IGHMBP2: variants seen among roughly 807,000 people sequenced by gnomAD.
IGHMBP2 encodes the protein DNA-binding protein SMUBP-2.
In IGHMBP2, 81 loss-of-function variants were observed where a neutral mutation model predicts 96.0. That is an observed-to-expected ratio of 0.84 (90% confidence interval 0.71 to 1.01). The LOEUF (loss-of-function observed/expected upper bound fraction) is 1.01. Ranked by LOEUF, IGHMBP2 falls within the 50% of genes least tolerant of loss-of-function variation. IGHMBP2 has a pLI of 0.00. For synonymous variants in IGHMBP2, 557 were observed against 548.9 expected (o/e 1.01, Z -0.21); for missense variants, 1,227 against 1,306.3 (o/e 0.94, Z 0.94).
At chr11:68,921,849 A>C (rs542789892) in intron 7 of IGHMBP2, among the ~76,000 whole-genome samples, 10 of 152,170 alleles carry the variant, frequency 6.6e-5, no homozygotes, top group Non-Finnish European at 1.5e-4. Context: ...ATGTCTGAAA[A>C]TATCTTGTTT....
chr11:68,914,449 C>G (rs1858568302), intron 5 of IGHMBP2, among the ~76,000 whole-genome samples: 1 of 152,192 alleles, frequency 6.6e-6, no homozygotes, highest in African/African-American at 2.4e-5. Flanking sequence ...CTCAGACCTG[C>G]AGGGGAGCAT....
In IGHMBP2 at chr11:68,936,707, C is replaced by T. The variant is rs1423631535; in HGVS notation, c.2227C>T (p.Gln743Ter). Residue 743 changes from glutamine (Q) to a stop codon, truncating the protein, a stop_gained, in exon 13 of 15, where the codon CAG becomes TAG. Coordinates refer to ENST00000255078, the MANE Select transcript of IGHMBP2 (RefSeq NM_002180.3). LOFTEE classifies it high-confidence loss of function. ...IVEFMASKKM[Q>*]LEFPPSLNSH... The stretch of plus-strand genomic sequence containing the variant: ...GGAGTTCATGGCCAGCAAGAAGATG[C>T]AGTTGGAGTTTCCTCCTTCCCTCAA... The T allele has an allele frequency of 1.2e-6, 2 of 1,613,962 alleles. No homozygotes were observed. The highest frequency in any genetic ancestry group is 1.7e-6 in the Non-Finnish European group (2 of 1,180,042).
intron 1 of IGHMBP2, 33 bp from the exon 2 acceptor site, chr11:68,906,036 A>AATCCTGAAGC: frequency 1.2e-6 from 2 of 1,610,050 alleles, no homozygotes; most frequent in Non-Finnish European, 1.7e-6. Context: ...AACTAGTAAA[A>AATCCTGAAGC]ATCCTGAAGC....
intron 8 of IGHMBP2, among the ~76,000 whole-genome samples, chr11:68,932,008 G>C (rs1390618076): frequency 1.3e-5 from 2 of 149,868 alleles, no homozygotes; most frequent in Non-Finnish European, 3.0e-5. Flanking sequence ...TCCCTGGAGA[G>C]AGTAGGATGG....
chr11:68,905,853 T>G (rs1229070158), intron 1 of IGHMBP2, among the ~76,000 whole-genome samples: 3 of 152,130 alleles, frequency 2.0e-5, no homozygotes, highest in African/African-American at 7.2e-5. Context: ...GAAAGATCTG[T>G]CTCAGGTAAC....
At chr11:68,929,521 C>A (rs927102264) in intron 8 of IGHMBP2, among the ~76,000 whole-genome samples, 164 bp downstream of exon 8, 10 of 152,234 alleles carry the variant, frequency 6.6e-5, no homozygotes, top group African/African-American at 2.2e-4. Flanking sequence ...CTCAACGTCG[C>A]ATCTGTGAGA....
Position 68,939,545 on chromosome 11 carries a change from C to T in IGHMBP2, c.2796C>T (p.Cys932=), listed in dbSNP as rs112870015. ...LSHHLPEIHG[C]GERARAHARQ... Reference sequence around the variant, plus strand: ...TGTGTCCTCCCCAGATCCATGGCTGCGGTGAGAGGGCTCGCGCCCATGCCC... The same window carrying T: ...TGTGTCCTCCCCAGATCCATGGCTGTGGTGAGAGGGCTCGCGCCCATGCCC... Residue 932 remains cysteine, a synonymous_variant, in exon 15 of 15, where the codon TGC becomes TGT. Coordinates refer to ENST00000255078, the MANE Select transcript of IGHMBP2 (RefSeq NM_002180.3). 2.0e-5 allele frequency: 32 copies of T among 1,612,010 alleles called. No individual in the cohort carries two copies. Among genetic ancestry groups the T allele is most frequent in the African/African-American group, 1.2e-4 (9 of 75,006 alleles).
chr11:68,929,228 T>A lies in IGHMBP2; in HGVS notation c.1106T>A (p.Phe369Tyr), dbSNP rs756791529. The change falls in exon 8 of 15, where the codon TTC (phenylalanine) becomes TAC (tyrosine). Residue 369 changes from phenylalanine (F) to tyrosine (Y), a missense_variant. Physicochemically the swap from Phe to Tyr is conservative, Grantham distance 22. This residue lies in a region of IGHMBP2 where 507 missense variants were observed against 496.9 expected (regional missense o/e 1.02). Transcript: ENST00000255078. ...GPLKLLPESY[F>Y]DVVVIDECAQ... ...CTGAAGTTGCTGCCCGAGAGCTACTTCGACGTGGTGGTCATTGACGAGTGT... is the reference window on the plus strand; with the variant it reads ...CTGAAGTTGCTGCCCGAGAGCTACTACGACGTGGTGGTCATTGACGAGTGT... 9.3e-6 allele frequency: 15 copies of A among 1,613,718 alleles called. No homozygotes were observed. In the Admixed American group the frequency reaches 2.5e-4, roughly 27 times the overall value.
intron 8 of IGHMBP2, among the ~76,000 whole-genome samples, chr11:68,931,376 C>T (rs1859291505): frequency 6.6e-6 from 1 of 152,172 alleles, no homozygotes; most frequent in Non-Finnish European, 1.5e-5. Flanking sequence ...TTCCCGGCTC[C>T]TGCCTGCTTC....
intron 5 of IGHMBP2, 93 bp from the exon 6 acceptor site, chr11:68,914,730 T>C: frequency 7.4e-7 from 1 of 1,353,336 alleles, no homozygotes; most frequent in Admixed American, 1.7e-5. Flanking sequence ...GCCTTGTGCT[T>C]CTTTCTACCT....
At chr11:68,934,282 C>T in intron 10 of IGHMBP2, 182 bp from the exon 11 acceptor site, 1 of 673,852 alleles carries the variant, frequency 1.5e-6, no homozygotes, top group Non-Finnish European at 2.7e-6. Context: ...ATGTGAAATT[C>T]AAGTTAGCTG....
At chr11:68,915,087 C>A in intron 6 of IGHMBP2, 64 bp downstream of exon 6, 2 of 1,287,116 alleles carry the variant, frequency 1.6e-6, no homozygotes, top group Non-Finnish European at 2.2e-6. Context: ...TTTTAAGGAG[C>A]AAATTTATCT....
chr11:68,939,476 T>A, intron 14 of IGHMBP2, 58 bp from the exon 15 acceptor site: 1 of 1,576,232 alleles, frequency 6.3e-7, no homozygotes, highest in Non-Finnish European at 8.7e-7. Context: ...TAGGCAGAGC[T>A]GCAGGATCTG....
Position 68,929,209 on chromosome 11 carries a change from T to C in IGHMBP2, c.1087T>C (p.Leu363=). ...TGASADGPLK[L]LPESYFDVVV... is the part of the protein sequence containing the mutation. Reference sequence around the variant, plus strand: ...TGCGTCTGCCGATGGCCCCCTGAAGTTGCTGCCCGAGAGCTACTTCGACGT... The same window carrying C: ...TGCGTCTGCCGATGGCCCCCTGAAGCTGCTGCCCGAGAGCTACTTCGACGT... Residue 363 remains leucine (L), a synonymous_variant, in exon 8 of 15, where the codon TTG becomes CTG. Coordinates refer to ENST00000255078, the MANE Select transcript of IGHMBP2 (RefSeq NM_002180.3). The C allele has an allele frequency of 6.2e-7, 1 of 1,613,458 alleles. No homozygotes were observed. Among genetic ancestry groups the C allele is most frequent in the African/African-American group, 1.3e-5 (1 of 75,042 alleles).
intron 5 of IGHMBP2, among the ~76,000 whole-genome samples, chr11:68,912,696 T>G (rs1042399421): frequency 6.6e-6 from 1 of 152,084 alleles, no homozygotes; most frequent in Non-Finnish European, 1.5e-5. Flanking sequence ...AGCACCCATT[T>G]AATCCTCACT....
At position 68,933,867 on chromosome 11, in the gene IGHMBP2, G is replaced by A. The variant is rs757513987; in HGVS notation, c.1491G>A (p.Gly497=). 6 of 1,605,026 alleles carry A rather than the reference G, an allele frequency of 3.7e-6. No individual in the cohort carries two copies. The change falls in exon 10 of 15, where the codon GGG becomes GGA. Residue 497 remains glycine, a synonymous_variant. Coordinates refer to ENST00000255078, the MANE Select transcript of IGHMBP2 (RefSeq NM_002180.3). ...PLLLVDTAGC[G]LFELEEEDEQ... The stretch of plus-strand genomic sequence containing the variant: ...TCTTGGTGGACACCGCCGGCTGCGG[G>A]CTGTTTGAGCTGGAGGAGGAGGACG...
intron 8 of IGHMBP2, chr11:68,930,035 C>T (rs1859222585): frequency 8.9e-7 from 1 of 1,126,538 alleles, no homozygotes; most frequent in Non-Finnish European, 1.1e-6. Context: ...ACACAGGCCT[C>T]GCTGGCCCCT....
intron 11 of IGHMBP2, among the ~76,000 whole-genome samples, chr11:68,935,065 G>A (rs1343576983): frequency 4.6e-5 from 7 of 152,224 alleles, no homozygotes; most frequent in East Asian, 1.9e-4. Context: ...TGAGGCTGGC[G>A]GCTGTCATAA....
chr11:68,912,546 T>A, intron 5 of IGHMBP2, among the ~76,000 whole-genome samples: 1 of 151,948 alleles, frequency 6.6e-6, no homozygotes, highest in Non-Finnish European at 1.5e-5. Context: ...TATTTATTTT[T>A]AATTATACTT....
Sources: allele counts gnomAD v4.1 joint callset (sites outside exome capture counted in the v4.1 genomes callset), GRCh38; gene constraint gnomAD v4.1.1; regional missense constraint gnomAD v4.1.1; transcripts MANE v1.5; gene names NCBI Gene and HGNC (gene_info 2026-07-23, HGNC 2026-07-21).